LRRC49: variants seen among roughly 807,000 people sequenced by gnomAD.
LRRC49 encodes the protein leucine rich repeat containing 49.
LRRC49 carries 50 observed loss-of-function variants against 83.3 expected under a neutral mutation model. That is an observed-to-expected ratio of 0.60 (90% CI 0.48 to 0.76). The LOEUF is 0.76. Among genes scored for constraint, LRRC49 ranks in the 30% least tolerant of loss-of-function variants. The probability of loss-of-function intolerance (pLI) is 0.00; values close to 1 mark genes in which losing one functional copy is unlikely to be tolerated. For synonymous variants in LRRC49, 286 were observed against 283.3 expected (o/e 1.01, Z -0.10); for missense variants, 704 against 809.1 (o/e 0.87, Z 1.58).
chr15:71,021,048 A>C (rs2038979144), intron 14 of LRRC49, among the ~76,000 whole-genome samples: 1 of 152,224 alleles, frequency 6.6e-6, no homozygotes, highest in Non-Finnish European at 1.5e-5. Flanking sequence ...ATGAGCTAGA[A>C]AAAAATCACA....
chr15:70,880,061 A>G (rs528124680), intron 2 of LRRC49, among the ~76,000 whole-genome samples: 34 of 152,092 alleles, frequency 2.2e-4, no homozygotes, highest in African/African-American at 7.7e-4. Flanking sequence ...ATCTCTAGCC[A>G]CCCTAGTCTT....
chr15:70,892,815 C>T, upstream of LRRC49: 2 of 1,613,696 alleles, frequency 1.2e-6, no homozygotes, highest in Non-Finnish European at 1.7e-6. Flanking sequence ...GGGAGATGAC[C>T]TCTTTCGGGT....
chr15:70,908,639 G>A (rs930254008), intron 5 of LRRC49: 2 of 152,206 alleles, frequency 1.3e-5, no homozygotes, highest in Admixed American at 1.3e-4. Context: ...TATTACCATT[G>A]GCTCTGTGAT....
At position 70,978,284 on chromosome 15, in the gene LRRC49, A is replaced by G. The variant is rs568114438; in HGVS notation, c.922-1817A>G. 2.0e-4 allele frequency among the ~76,000 whole-genome samples: 31 copies of G among 152,288 alleles called. No individual in the cohort carries two copies. In the South Asian group the frequency reaches 5.2e-3, roughly 25 times the overall value. ...ATGTGTGATTTGGGATCTTTGCTCT[A>G]TGTTGTCCTCATTCTAGTACTCAGG... On this transcript the variant is annotated intron_variant, in intron 9 of 15. Transcript: ENST00000260382.
chr15:70,963,927 A>G lies in LRRC49; in HGVS notation c.916A>G (p.Ile306Val). The G allele has an allele frequency of 6.2e-7, 1 of 1,613,050 alleles. No individual in the cohort carries two copies. Among genetic ancestry groups the G allele is most frequent in the South Asian group, 1.1e-5 (1 of 90,876 alleles). ...MQLRQLDMKR[I>V]TEEERRMASV... ...GCTGCGCCAGCTAGATATGAAGAGA[A>G]TCACGGTGAGAACCCTTCCAAAGTG... is the stretch of plus-strand genomic sequence containing the variant. The change falls in exon 9 of 16, where the codon ATC becomes GTC. Residue 306 changes from isoleucine (I) to valine (V), a missense_variant. By Grantham distance (29) the Ile-to-Val change is conservative. Transcript: ENST00000260382.
At chr15:70,882,850 G>T (rs2033300118) in intron 2 of LRRC49, 1 of 1,614,034 alleles carries the variant, frequency 6.2e-7, no homozygotes, top group Admixed American at 1.7e-5. Context: ...TGAAGTGACA[G>T]TATTAGATGG....
At position 71,029,576 on chromosome 15, in the gene LRRC49, G is replaced by A. The variant is rs535323422; in HGVS notation, c.1704-7603G>A. Among the ~76,000 whole-genome samples the A allele has an allele frequency of 3.9e-5, 6 of 152,246 alleles. No homozygotes were observed. The East Asian group carries it at 5.8e-4, about 15-fold the overall frequency. On this transcript the variant is annotated intron_variant, in intron 14 of 15. Transcript: ENST00000260382. ...CTGAGTTCAAATCCTGAATATCCTT[G>A]TTAATTTTGTGTCTTGTTGATCTGT... is the stretch of plus-strand genomic sequence containing the variant.
At chr15:70,911,067 C>T (rs1375589241) in intron 5 of LRRC49, among the ~76,000 whole-genome samples, 1 of 152,044 alleles carries the variant, frequency 6.6e-6, no homozygotes, top group Non-Finnish European at 1.5e-5. Flanking sequence ...GGAGTAGGAA[C>T]AGCAAGAATA....
At chr15:70,982,400 T>C (rs1005462210) in intron 10 of LRRC49, among the ~76,000 whole-genome samples, 1 of 152,144 alleles carries the variant, frequency 6.6e-6, no homozygotes, top group African/African-American at 2.4e-5. Flanking sequence ...GCAAGTAACT[T>C]AAATAGAATT....
In LRRC49 at chr15:70,882,554, A is replaced by C. The variant is rs1031593930; in HGVS notation, c.18+9331A>C. ...ATCTGTTTCTGAATCACTGGAGTAA[A>C]TGTCAAAGAGAGAGGAAGTTCTAGA... On this transcript the variant is annotated intron_variant, in intron 2 of 16. Coordinates refer to the LRRC49 transcript ENST00000544974. 4 of 1,613,830 alleles carry C rather than the reference A, an allele frequency of 2.5e-6. No homozygotes were observed. The African/African-American group carries it at 5.3e-5, about 22-fold the overall frequency.
chr15:70,917,330 T>G (rs2034822497), intron 6 of LRRC49, among the ~76,000 whole-genome samples: 1 of 152,162 alleles, frequency 6.6e-6, no homozygotes. Flanking sequence ...GAACTTGTGG[T>G]ACCTTTTCTG....
intron 14 of LRRC49, among the ~76,000 whole-genome samples, chr15:71,032,691 G>A (rs1241867163): frequency 6.6e-6 from 1 of 152,150 alleles, no homozygotes; most frequent in African/African-American, 2.4e-5. Context: ...TCCCTGGGAT[G>A]CAAGGTTGGT....
At chr15:70,999,107 A>T (rs2038173391) in intron 11 of LRRC49, among the ~76,000 whole-genome samples, 1 of 152,138 alleles carries the variant, frequency 6.6e-6, no homozygotes, top group Non-Finnish European at 1.5e-5. Context: ...TAGTTATTTC[A>T]GCATATTTAA....
chr15:70,892,720 C>G, upstream of LRRC49: 1 of 1,480,824 alleles, frequency 6.8e-7, no homozygotes, highest in Non-Finnish European at 8.9e-7. Flanking sequence ...CAACTAGAAG[C>G]TGCAACGACT....
chr15:70,960,450 G>A (rs1447332413), intron 8 of LRRC49, among the ~76,000 whole-genome samples: 1 of 152,200 alleles, frequency 6.6e-6, no homozygotes, highest in African/African-American at 2.4e-5. Flanking sequence ...TAAACTTCAT[G>A]TTCTTATCAG....
chr15:71,039,448 T>C (rs954344096), intron 15 of LRRC49, among the ~76,000 whole-genome samples: 10 of 152,146 alleles, frequency 6.6e-5, no homozygotes, highest in African/African-American at 2.4e-4. Context: ...GACGATTGGT[T>C]TCAGGACCTC....
intron 11 of LRRC49, chr15:70,984,458 T>C: frequency 2.3e-6 from 1 of 439,440 alleles, no homozygotes; most frequent in South Asian, 4.5e-5. Context: ...ATAGGGCATT[T>C]CATATTTTTT....
chr15:70,900,153 A>G, intron 3 of LRRC49: 1 of 199,468 alleles, frequency 5.0e-6, no homozygotes, highest in South Asian at 8.7e-5. Flanking sequence ...GCATTTATGT[A>G]TGTTGTTCTA....
intron 2 of LRRC49, among the ~76,000 whole-genome samples, chr15:70,877,735 A>C (rs1422603803): frequency 6.6e-6 from 1 of 152,234 alleles, no homozygotes; most frequent in Non-Finnish European, 1.5e-5. Context: ...CCTTCATGAA[A>C]GTTTACCACA....
Sources: gnomAD v4.1 joint callset for allele counts (sites outside exome capture counted in the v4.1 genomes callset) on GRCh38, gnomAD v4.1.1 for gene constraint, MANE v1.5 for transcripts, NCBI Gene and HGNC (gene_info 2026-07-23, HGNC 2026-07-21) for gene names.